The following ZNF492 variants were observed in gnomAD, a reference collection of about 807,000 sequenced individuals.
The protein encoded by ZNF492 is zinc finger protein 492.
ZNF492 carries 3 observed loss-of-function variants against 6.4 expected under a neutral mutation model. The ratio of observed to expected loss-of-function variants is 0.47; its 90% CI spans 0.21 to 1.22. ZNF492 has a LOEUF of 1.22. ZNF492 is among the 50% of genes most tolerant of loss of function. The pLI, the probability that ZNF492 is intolerant of heterozygous loss-of-function variation, is 0.22. For missense variants in ZNF492, 356 were observed against 612.5 expected (o/e 0.58, Z 4.42); for synonymous variants, 112 against 205.3 (o/e 0.55, Z 3.89).
At position 22,644,619 on chromosome 19, in the gene ZNF492, A is replaced by G. The variant is rs182617507; in HGVS notation, c.-93-8688A>G. Among the ~76,000 whole-genome samples, 562 of 152,232 alleles carry G rather than the reference A, an allele frequency of 3.7e-3. 4 individuals carry two copies. The highest frequency in any genetic ancestry group is 0.013 in the African/African-American group (534 of 41,520). On this transcript the variant is annotated intron_variant, in intron 1 of 3. Transcript: ENST00000456783. ...TGTATGTACCACATTTTATCTATCC[A>G]TTCTGTCATTGATGGGCATTTGGGT...
chr19:22,646,752 A>G (rs60021625), intron 1 of ZNF492, among the ~76,000 whole-genome samples: 29,442 of 152,080 alleles, frequency 0.19, 3,708 homozygotes, highest in African/African-American at 0.37. Flanking sequence ...ATCAAAGGCC[A>G]TTTCTGCATC....
rs1972118479 is a variant in ZNF492 at position 22,665,733 on chromosome 19, G to A, written c.*468G>A. The A allele has an allele frequency of 6.5e-6, 1 of 153,982 alleles. No homozygotes were observed. 9.5% of individuals were successfully genotyped at this position (153,982 alleles called of 1,614,324 possible). ...TATATCGAAGAAAAACCCTGTAAAT[G>A]TAATAAATTTAGAAAAAAACATTTA... On this transcript the variant is annotated 3_prime_UTR_variant, in exon 4 of 4. Coordinates refer to ENST00000456783, the MANE Select transcript of ZNF492 (RefSeq NM_020855.3).
chr19:22,660,236 G>A (rs1283145143), intron 3 of ZNF492, among the ~76,000 whole-genome samples: 8 of 152,002 alleles, frequency 5.3e-5, no homozygotes, highest in Non-Finnish European at 1.0e-4. Context: ...AGTATGTCTC[G>A]ATTTGAAAGT....
At chr19:22,652,869 G>A (rs1300516152) in intron 1 of ZNF492, among the ~76,000 whole-genome samples, 2 of 152,098 alleles carry the variant, frequency 1.3e-5, no homozygotes, top group Non-Finnish European at 2.9e-5. Flanking sequence ...GTGAGCCATC[G>A]CTCCCAGCCC....
chr19:22,660,341 CTCTT>C (rs1169419789), intron 3 of ZNF492, among the ~76,000 whole-genome samples: 1 of 151,186 alleles, frequency 6.6e-6, no homozygotes, highest in African/African-American at 2.4e-5. Flanking sequence ...CTCATTTTCT[CTCTT>C]TGTGTCTTTT....
rs188097944 is a variant in ZNF492, at chr19:22,639,612, G to A, written c.-94+5138G>A. 2.2e-3 allele frequency among the ~76,000 whole-genome samples: 326 copies of A among 151,612 alleles called. 3 individuals are homozygous for A. The highest frequency in any genetic ancestry group is 3.8e-3 in the Non-Finnish European group (255 of 67,946). Reference sequence around the variant, plus strand: ...TTAATCCCAGCTACTCAGGAAGGCTGAGGCAGGAGAATTGCTTGAACCTGG... The same window carrying A: ...TTAATCCCAGCTACTCAGGAAGGCTAAGGCAGGAGAATTGCTTGAACCTGG... On this transcript the variant is annotated intron_variant, in intron 1 of 3. Coordinates refer to ENST00000456783, the MANE Select transcript of ZNF492 (RefSeq NM_020855.3).
At chr19:22,663,706 G>C (rs1972082080) in intron 3 of ZNF492, 94 bp from the exon 4 acceptor site, 3 of 1,178,704 alleles carry the variant, frequency 2.5e-6, no homozygotes, top group Non-Finnish European at 3.4e-6. Context: ...GTAACATCTT[G>C]TGATGTAGTT....
rs931576321 is a variant in ZNF492 at position 22,667,561 on chromosome 19, T to A, written c.*2296T>A. The A allele has an allele frequency of 8.5e-5, 13 of 152,192 alleles. No individual in the cohort carries two copies. The highest frequency in any genetic ancestry group is 1.5e-4 in the Non-Finnish European group (10 of 68,006). The allele number at this position is 152,192 out of a possible 1,614,324, so 9.4% of individuals were successfully genotyped here. A position where few individuals can be genotyped will look rare whatever the true frequency, so the allele number is the denominator to read the frequency against. On this transcript the variant is annotated 3_prime_UTR_variant, in exon 4 of 4. Transcript: ENST00000456783. ...TTCAATTGTACAGTTTTAGTTTTTT[T>A]AAAATATACGATTGTTATTGACTAC...
At position 22,667,393 on chromosome 19, in the gene ZNF492, T is replaced by G. The variant is rs1271839680; in HGVS notation, c.*2128T>G. On this transcript the variant is annotated 3_prime_UTR_variant, in exon 4 of 4. Transcript: ENST00000456783. The stretch of plus-strand genomic sequence containing the variant: ...TTTATTTATTTTTTCCCATTTAAAT[T>G]TACTTTTGTTAGTTTTTTCAGGCAT... 6.6e-6 allele frequency: 1 copy of G among 152,134 alleles called. No homozygotes were observed. The highest frequency in any genetic ancestry group is 6.6e-5 in the Admixed American group (1 of 15,266). The allele number at this position is 152,134 out of a possible 1,614,324, so 9.4% of individuals were successfully genotyped here.
chr19:22,636,765 C>G (rs1423655324), intron 1 of ZNF492, among the ~76,000 whole-genome samples: 1 of 149,628 alleles, frequency 6.7e-6, no homozygotes, highest in African/African-American at 2.5e-5. Flanking sequence ...TCCCAAGTAG[C>G]TGGGATTACA....
At position 22,653,308 on chromosome 19, in the gene ZNF492, G is replaced by A; in HGVS notation, c.-92G>A. On this transcript the variant is annotated splice_region_variant and 5_prime_UTR_variant, in exon 2 of 4. Transcript: ENST00000456783. ...TATGTGTGTTTGTATGTTTTTCAGGGAGTGTTGACATTTAGGGATGTGGCC... is the reference window on the plus strand; with the variant it reads ...TATGTGTGTTTGTATGTTTTTCAGGAAGTGTTGACATTTAGGGATGTGGCC... The A allele has an allele frequency of 2.5e-6, 4 of 1,612,204 alleles. No individual in the cohort carries two copies. In the South Asian group the frequency reaches 4.4e-5, roughly 18 times the overall value.
intron 3 of ZNF492, among the ~76,000 whole-genome samples, chr19:22,655,846 A>C (rs1971991595): frequency 9.0e-6 from 1 of 110,886 alleles, no homozygotes; most frequent in Non-Finnish European, 1.7e-5. Context: ...TTTTTTTGAG[A>C]CAGCGTCTCA....
chr19:22,659,273 GACTT>G (rs1413590309), intron 3 of ZNF492, among the ~76,000 whole-genome samples: 1 of 149,362 alleles, frequency 6.7e-6, no homozygotes, highest in African/African-American at 2.5e-5. Flanking sequence ...AAACTGGTAA[GACTT>G]AATTTTCTTC....
intron 3 of ZNF492, among the ~76,000 whole-genome samples, chr19:22,654,605 CTT>C (rs35048607): frequency 1.2e-4 from 16 of 130,098 alleles, no homozygotes; most frequent in South Asian, 2.5e-4. Context: ...TTTTCTCTTT[CTT>C]TTTTTTTTTT....
chr19:22,638,570 A>G (rs1264571502), intron 1 of ZNF492, among the ~76,000 whole-genome samples: 3 of 151,974 alleles, frequency 2.0e-5, no homozygotes, highest in Non-Finnish European at 2.9e-5. Flanking sequence ...GTATTGGTCT[A>G]TGAGTTTGTT....
intron 3 of ZNF492, among the ~76,000 whole-genome samples, chr19:22,661,541 T>C (rs1972058550): frequency 6.6e-6 from 1 of 152,168 alleles, no homozygotes; most frequent in South Asian, 2.1e-4. Flanking sequence ...GTTCTTAGGA[T>C]CTGCCTTGTC....
intron 1 of ZNF492, among the ~76,000 whole-genome samples, chr19:22,643,606 A>C (rs1430073276): frequency 6.6e-6 from 1 of 152,198 alleles, no homozygotes; most frequent in Non-Finnish European, 1.5e-5. Flanking sequence ...AACATTACCA[A>C]GTGATTTATA....
rs1972113037 is a variant in ZNF492, at chr19:22,665,297, G to C, written c.*32G>C. On this transcript the variant is annotated 3_prime_UTR_variant, in exon 4 of 4. Coordinates refer to ENST00000456783, the MANE Select transcript of ZNF492 (RefSeq NM_020855.3). ...TATGAATGTGACAAAGCCTTTAAAT[G>C]GTTATCACACTGGATTGTAGGTAAG... 6.6e-7 allele frequency: 1 copy of C among 1,510,124 alleles called. No homozygotes were observed. Among genetic ancestry groups the C allele is most frequent in the African/African-American group, 1.4e-5 (1 of 71,124 alleles). 93.5% of individuals were successfully genotyped at this position (1,510,124 alleles called of 1,614,324 possible).
intron 1 of ZNF492, among the ~76,000 whole-genome samples, chr19:22,635,420 G>C (rs1182927908): frequency 1.3e-5 from 2 of 151,950 alleles, no homozygotes; most frequent in Non-Finnish European, 2.9e-5. Flanking sequence ...ATTATTATTT[G>C]TCCTTTAGTG....
Sources: allele counts gnomAD v4.1 joint callset (sites outside exome capture counted in the v4.1 genomes callset), GRCh38; gene constraint gnomAD v4.1.1; transcripts MANE v1.5; gene names NCBI Gene and HGNC (gene_info 2026-07-23, HGNC 2026-07-21).